Variants in CERS6 observed in about 807,000 individuals in gnomAD.
The protein encoded by CERS6 is ceramide synthase 6.
CERS6 carries 26 observed loss-of-function variants against 56.8 expected under a neutral mutation model. The observed-to-expected ratio is 0.46, with a 90% CI of 0.34 to 0.63. The LOEUF (loss-of-function observed/expected upper bound fraction) is 0.63, where lower values mean the gene tolerates loss of function less well. CERS6 is among the 30% of genes least tolerant of loss of function. The pLI is 0.01. For missense variants in CERS6, 415 were observed against 467.5 expected, an observed-to-expected ratio of 0.89 and a Z score of 1.04; for synonymous variants, 164 against 173.3, an observed-to-expected ratio of 0.95 and a Z score of 0.42.
chr2:168,680,575 T>C (rs1419225206), intron 4 of CERS6, among the ~76,000 whole-genome samples: 3 of 128,988 alleles, frequency 2.3e-5, no homozygotes, highest in Non-Finnish European at 4.8e-5. Flanking sequence ...CCTCCAAGGC[T>C]GCTGTGATTT....
chr2:168,464,352 G>C (rs1490177975), intron 1 of CERS6, among the ~76,000 whole-genome samples: 1 of 151,944 alleles, frequency 6.6e-6, no homozygotes, highest in South Asian at 2.1e-4. Context: ...ATAGAGATGG[G>C]GTTTCACCAT....
chr2:168,605,897 G>A (rs1684040440), intron 3 of CERS6, among the ~76,000 whole-genome samples: 1 of 152,222 alleles, frequency 6.6e-6, no homozygotes, highest in Admixed American at 6.5e-5. Flanking sequence ...TGCAGGGACA[G>A]AGCCCTCATG....
In CERS6 at chr2:168,718,244, A is replaced by G. The variant is rs144713699; in HGVS notation, c.845+266A>G. 6.6e-3 allele frequency among the ~76,000 whole-genome samples: 1,005 copies of G among 152,336 alleles called. 10 individuals are homozygous for G. Among genetic ancestry groups the G allele is most frequent in the African/African-American group, 0.022 (912 of 41,580 alleles). ...CATCTGTCATAGAAGGCACTAGTCT[A>G]GAATATGACTCAAGAACCTCAGCTG... On this transcript the variant is annotated intron_variant, in intron 8 of 9. Coordinates refer to ENST00000305747, the MANE Select transcript of CERS6 (RefSeq NM_203463.3).
chr2:168,674,301 C>T (rs1685998418), intron 4 of CERS6, among the ~76,000 whole-genome samples: 1 of 152,094 alleles, frequency 6.6e-6, no homozygotes, highest in African/African-American at 2.4e-5. Context: ...TTGTGAAAAT[C>T]CTGAAGGTTG....
chr2:168,541,619 T>G (rs1244467532), intron 1 of CERS6, among the ~76,000 whole-genome samples: 4 of 152,206 alleles, frequency 2.6e-5, no homozygotes, highest in African/African-American at 7.2e-5. Flanking sequence ...AGAGTTATTT[T>G]GTGGAGATGG....
At chr2:168,765,931 G>A (rs1159499848) in intron 9 of CERS6, among the ~76,000 whole-genome samples, 183 bp downstream of exon 9, 3 of 151,932 alleles carry the variant, frequency 2.0e-5, no homozygotes, top group East Asian at 1.9e-4. Context: ...CTTTGCTGGC[G>A]ATGGCACCCA....
chr2:168,630,065 C>T (rs1347432146), intron 3 of CERS6, among the ~76,000 whole-genome samples: 3 of 152,074 alleles, frequency 2.0e-5, no homozygotes, highest in African/African-American at 7.2e-5. Context: ...ATCCACCTGC[C>T]TCAGCCTCCC....
chr2:168,492,916 G>T (rs952338633), intron 1 of CERS6, among the ~76,000 whole-genome samples: 1 of 152,000 alleles, frequency 6.6e-6, no homozygotes, highest in Non-Finnish European at 1.5e-5. Context: ...TTTAAATTAT[G>T]TATAGGAAAC....
intron 9 of CERS6, among the ~76,000 whole-genome samples, chr2:168,769,290 A>G (rs984999667): frequency 7.2e-5 from 11 of 152,222 alleles, no homozygotes; most frequent in Non-Finnish European, 1.3e-4. Flanking sequence ...CAAGAAGTCT[A>G]GCCCTCCATG....
At chr2:168,605,203 G>T (rs1262801592) in intron 3 of CERS6, among the ~76,000 whole-genome samples, 1 of 152,176 alleles carries the variant, frequency 6.6e-6, no homozygotes, top group African/African-American at 2.4e-5. Flanking sequence ...GGTCACTTTT[G>T]TTATTCTTTA....
chr2:168,564,837 G>T (rs914506978), intron 3 of CERS6, among the ~76,000 whole-genome samples: 3 of 152,182 alleles, frequency 2.0e-5, no homozygotes, highest in Non-Finnish European at 4.4e-5. Context: ...GCCTTATGTG[G>T]TTACTTAACT....
At chr2:168,488,717 AT>A (rs1015786928) in intron 1 of CERS6, among the ~76,000 whole-genome samples, 6 of 151,466 alleles carry the variant, frequency 4.0e-5, no homozygotes, top group East Asian at 1.9e-4. Flanking sequence ...CTTTAAAAAA[AT>A]TTTTTTTTGG....
At chr2:168,617,709 A>G (rs543450512) in intron 3 of CERS6, among the ~76,000 whole-genome samples, 25 of 152,302 alleles carry the variant, frequency 1.6e-4, no homozygotes, top group African/African-American at 5.3e-4. Flanking sequence ...GAACGGACCA[A>G]TAACAAGCAG....
intron 1 of CERS6, among the ~76,000 whole-genome samples, chr2:168,485,258 A>G (rs567810594): frequency 1.3e-5 from 2 of 152,072 alleles, no homozygotes; most frequent in East Asian, 1.9e-4. Context: ...GAGTTTCCAC[A>G]TTACTCCCCT....
intron 3 of CERS6, among the ~76,000 whole-genome samples, chr2:168,581,623 T>C (rs1683412937): frequency 1.3e-5 from 2 of 152,204 alleles, no homozygotes; most frequent in South Asian, 4.1e-4. Context: ...ATAAAAGTTC[T>C]GTTTCATCTT....
At chr2:168,686,089 T>C (rs1017986406) in intron 4 of CERS6, among the ~76,000 whole-genome samples, 3 of 145,754 alleles carry the variant, frequency 2.1e-5, no homozygotes, top group African/African-American at 7.7e-5. Flanking sequence ...GCATACTAGA[T>C]GGCTTGAGCA....
At chr2:168,640,271 T>A (rs1404906018) in intron 4 of CERS6, among the ~76,000 whole-genome samples, 2 of 152,346 alleles carry the variant, frequency 1.3e-5, no homozygotes. Flanking sequence ...ATAACGTCTG[T>A]TAATCCTATA....
At chr2:168,670,372 C>T (rs1027434690) in intron 4 of CERS6, among the ~76,000 whole-genome samples, 1 of 152,150 alleles carries the variant, frequency 6.6e-6, no homozygotes, top group Admixed American at 6.5e-5. Flanking sequence ...TCCCCCACCA[C>T]CTAGGTCTAA....
chr2:168,670,761 C>T (rs1685887100), intron 4 of CERS6, among the ~76,000 whole-genome samples: 1 of 152,146 alleles, frequency 6.6e-6, no homozygotes, highest in Admixed American at 6.5e-5. Flanking sequence ...ATGCCCCTTT[C>T]CTGCTACCTG....
Sources: allele counts gnomAD v4.1 joint callset (sites outside exome capture counted in the v4.1 genomes callset), GRCh38; gene constraint gnomAD v4.1.1; transcripts MANE v1.5; gene names NCBI Gene and HGNC (gene_info 2026-07-23, HGNC 2026-07-21).